SSUH2: variants seen among roughly 807,000 people sequenced by gnomAD.
SSUH2 encodes ssu-2 homolog.
In SSUH2, 47 loss-of-function variants were observed where a neutral mutation model predicts 55.3. That is an observed-to-expected ratio of 0.85 (90% CI 0.67 to 1.08). The LOEUF is 1.08. SSUH2 is among the 50% of genes least tolerant of loss of function. The probability of loss-of-function intolerance (pLI) is 0.00; values close to 1 mark genes in which losing one functional copy is unlikely to be tolerated. For missense variants in SSUH2, 535 were observed against 490.7 expected (o/e 1.09, Z -0.85); for synonymous variants, 212 against 191.5 (o/e 1.11, Z -0.89).
upstream of SSUH2, among the ~76,000 whole-genome samples, chr3:8,647,462 G>A (rs1168012466): frequency 6.6e-6 from 1 of 152,194 alleles, no homozygotes; most frequent in African/African-American, 2.4e-5. Flanking sequence ...TCAGAGTCAG[G>A]GTAGACTGAG....
chr3:8,621,922 C>G (rs1026415780), intron 11 of SSUH2, among the ~76,000 whole-genome samples: 19 of 151,468 alleles, frequency 1.3e-4, no homozygotes, highest in African/African-American at 4.6e-4. Context: ...GCAATACCAG[C>G]CCCCCCACAA....
At chr3:8,648,965 C>G (rs1183307383), upstream of SSUH2, among the ~76,000 whole-genome samples, 1 of 152,090 alleles carries the variant, frequency 6.6e-6, no homozygotes, top group African/African-American at 2.4e-5. Context: ...GGATGAGAAC[C>G]TCATCTCCAG....
At chr3:8,649,948 T>C (rs1702201258) in intron 7 of SSUH2, among the ~76,000 whole-genome samples, 1 of 152,104 alleles carries the variant, frequency 6.6e-6, no homozygotes. Context: ...TCCCTACCAA[T>C]ATGGCCTCTG....
At chr3:8,674,865 AG>A (rs61088154) in intron 3 of SSUH2, among the ~76,000 whole-genome samples, 33,631 of 151,814 alleles carry the variant, frequency 0.22, 3,731 homozygotes, top group East Asian at 0.29. Flanking sequence ...GCGGTGGCCA[AG>A]GGTCCGGGCG....
At chr3:8,679,217 G>A (rs1364031313) in intron 2 of SSUH2, among the ~76,000 whole-genome samples, 1 of 16,338 alleles carries the variant, frequency 6.1e-5, no homozygotes, top group Non-Finnish European at 1.3e-4. Context: ...AGGGGGGATG[G>A]CACCCTCCGT....
At chr3:8,659,590 G>A (rs762352439) in intron 6 of SSUH2, 1 of 337,708 alleles carries the variant, frequency 3.0e-6, no homozygotes, top group Non-Finnish European at 5.8e-6. Context: ...TTCCAGCTGG[G>A]TTGGAAGAAT....
At chr3:8,655,878 T>G (rs1257170064) in intron 7 of SSUH2, among the ~76,000 whole-genome samples, 1 of 152,232 alleles carries the variant, frequency 6.6e-6, no homozygotes, top group Non-Finnish European at 1.5e-5. Flanking sequence ...TGTTCTATCC[T>G]AAGTTCAGAA....
chr3:8,678,229 A>G (rs1705573112), intron 2 of SSUH2, among the ~76,000 whole-genome samples: 1 of 152,050 alleles, frequency 6.6e-6, no homozygotes, highest in Non-Finnish European at 1.5e-5. Flanking sequence ...AGCATCTCAC[A>G]CCGGGGTGTA....
intron 7 of SSUH2, 147 bp from the exon 8 acceptor site, chr3:8,627,930 A>T: frequency 3.8e-6 from 2 of 523,144 alleles, no homozygotes; most frequent in South Asian, 6.1e-5. Flanking sequence ...CGGGGTGGAG[A>T]TGGGGTATCT....
intron 3 of SSUH2, among the ~76,000 whole-genome samples, chr3:8,674,614 G>C (rs1458048697): frequency 6.6e-6 from 1 of 152,156 alleles, no homozygotes; most frequent in African/African-American, 2.4e-5. Flanking sequence ...CCTCGGACTT[G>C]TACTGTAGGA....
At chr3:8,676,866 G>A (rs1705370067) in intron 3 of SSUH2, among the ~76,000 whole-genome samples, 1 of 147,520 alleles carries the variant, frequency 6.8e-6, no homozygotes. Flanking sequence ...CCATCGCAGG[G>A]GAGGAGGCAT....
At chr3:8,670,758 A>G (rs1288169792) in intron 5 of SSUH2, among the ~76,000 whole-genome samples, 1 of 152,072 alleles carries the variant, frequency 6.6e-6, no homozygotes, top group African/African-American at 2.4e-5. Context: ...TGACATTAGT[A>G]GTAACATCCC....
chr3:8,645,753 G>C (rs1701602399), upstream of SSUH2, among the ~76,000 whole-genome samples: 1 of 152,196 alleles, frequency 6.6e-6, no homozygotes, highest in Non-Finnish European at 1.5e-5. Flanking sequence ...TATTTTGTCA[G>C]TGTCCTAAAT....
chr3:8,636,379 C>T (rs1013496207), intron 1 of SSUH2, among the ~76,000 whole-genome samples: 1 of 152,116 alleles, frequency 6.6e-6, no homozygotes, highest in Non-Finnish European at 1.5e-5. Context: ...CAGCTATCCC[C>T]GCCAAACCAG....
At chr3:8,631,844 G>A (rs1653149325) in intron 5 of SSUH2, among the ~76,000 whole-genome samples, 1 of 151,830 alleles carries the variant, frequency 6.6e-6, no homozygotes, top group Non-Finnish European at 1.5e-5. Flanking sequence ...CCTGCTTCCT[G>A]GGCAGGAAGC....
At position 8,634,095 on chromosome 3, in the gene SSUH2, T is replaced by C; in HGVS notation, c.210-300A>G. 6.5e-6 allele frequency: 5 copies of C among 763,494 alleles called. No homozygotes were observed. In the South Asian group the frequency reaches 7.5e-5, roughly 11 times the overall value. 47.3% of individuals were successfully genotyped at this position (763,494 alleles called of 1,614,324 possible). ...GAAACACAACCTTAGAGAGGAATTG[T>C]ACCATTTTATAGATAAGAAAAACAG... On this transcript the variant is annotated intron_variant, in intron 3 of 11. Transcript: ENST00000544814.
intron 3 of SSUH2, among the ~76,000 whole-genome samples, chr3:8,673,585 A>G (rs1704865868): frequency 6.6e-6 from 1 of 152,130 alleles, no homozygotes; most frequent in African/African-American, 2.4e-5. Flanking sequence ...CAGACCCACA[A>G]CCACACCTGG....
At chr3:8,625,478 C>T (rs1041708989) in intron 10 of SSUH2, 64 bp downstream of exon 10, 18 of 1,014,336 alleles carry the variant, frequency 1.8e-5, no homozygotes, top group Non-Finnish European at 2.8e-5. Flanking sequence ...GCTAGCAGCC[C>T]CAGGCCCACG....
chr3:8,634,433 A>C, intron 3 of SSUH2: 1 of 1,290,362 alleles, frequency 7.7e-7, no homozygotes, highest in Non-Finnish European at 1.0e-6. Flanking sequence ...CCAAGAGGAA[A>C]GAATCCTCCT....
Sources: gnomAD v4.1 joint callset for allele counts (sites outside exome capture counted in the v4.1 genomes callset) on GRCh38, gnomAD v4.1.1 for gene constraint, MANE v1.5 for transcripts, NCBI Gene and HGNC (gene_info 2026-07-23, HGNC 2026-07-21) for gene names.